The following METTL15 variants were observed in gnomAD, a reference collection of about 807,000 sequenced individuals.
METTL15 encodes methyltransferase 15, mitochondrial 12S rRNA N4-cytidine.
Under a neutral mutation model 38.3 loss-of-function variants are expected in METTL15, and 34 were observed. That is an observed-to-expected ratio of 0.89 (90% CI 0.68 to 1.18). The LOEUF is 1.18. Ranked by LOEUF, METTL15 falls within the 50% of genes most tolerant of loss-of-function variation. The pLI, the probability that METTL15 is intolerant of heterozygous loss-of-function variation, is 0.00. For synonymous variants in METTL15, 162 were observed against 170.9 expected, an observed-to-expected ratio of 0.95 and a Z score of 0.41; for missense variants, 438 against 498.4, an observed-to-expected ratio of 0.88 and a Z score of 1.15.
intron 5 of METTL15, among the ~76,000 whole-genome samples, chr11:28,398,448 A>G (rs1251404259): frequency 6.6e-6 from 1 of 152,014 alleles, no homozygotes; most frequent in Non-Finnish European, 1.5e-5. Flanking sequence ...GCTTTTTTTC[A>G]TATGTATGCT....
At chr11:28,349,699 A>G (rs1051970825) in intron 3 of METTL15, among the ~76,000 whole-genome samples, 4 of 152,198 alleles carry the variant, frequency 2.6e-5, no homozygotes, top group Admixed American at 6.5e-5. Context: ...ATGTAATTCA[A>G]TGAGTTTTAA....
intron 6 of METTL15, among the ~76,000 whole-genome samples, chr11:28,494,785 A>G (rs1851523107): frequency 6.6e-6 from 1 of 152,182 alleles, no homozygotes; most frequent in South Asian, 2.1e-4. Flanking sequence ...GCCACCATGT[A>G]AGATGTGACT....
chr11:28,195,022 G>T (rs1314751378), intron 3 of METTL15, among the ~76,000 whole-genome samples: 1 of 151,940 alleles, frequency 6.6e-6, no homozygotes, highest in Non-Finnish European at 1.5e-5. Context: ...TGCTGCAAAA[G>T]ACATTTTTTT....
intron 3 of METTL15, among the ~76,000 whole-genome samples, chr11:28,120,014 C>CG (rs1852147936): frequency 6.6e-6 from 1 of 152,078 alleles, no homozygotes; most frequent in South Asian, 2.1e-4. Context: ...TGCAGTGGGG[C>CG]GATCTTGGCT....
intron 6 of METTL15, among the ~76,000 whole-genome samples, chr11:28,444,211 A>G (rs910682295): frequency 6.6e-6 from 1 of 152,164 alleles, no homozygotes; most frequent in Non-Finnish European, 1.5e-5. Context: ...TTGGATCCAT[A>G]GCCAGGAATT....
chr11:28,489,832 T>C (rs1851479100), intron 6 of METTL15, among the ~76,000 whole-genome samples: 1 of 152,052 alleles, frequency 6.6e-6, no homozygotes, highest in South Asian at 2.1e-4. Context: ...TGGAGAGAAA[T>C]TCAAGCTGGC....
At chr11:28,467,591 G>A (rs1851267709) in intron 6 of METTL15, among the ~76,000 whole-genome samples, 2 of 152,112 alleles carry the variant, frequency 1.3e-5, no homozygotes, top group African/African-American at 4.8e-5. Flanking sequence ...ACCACAGAGG[G>A]CTCTGTAGCT....
At chr11:28,175,339 G>A (rs528569516) in intron 3 of METTL15, among the ~76,000 whole-genome samples, 3 of 152,038 alleles carry the variant, frequency 2.0e-5, no homozygotes, top group East Asian at 1.9e-4. Context: ...TCTTAATCCA[G>A]TCTATCATTG....
chr11:28,280,576 T>A (rs531962736), intron 4 of METTL15, among the ~76,000 whole-genome samples: 56 of 152,146 alleles, frequency 3.7e-4, no homozygotes, highest in Non-Finnish European at 7.5e-4. Context: ...TGGCCATTGT[T>A]TTTGAATATT....
At chr11:28,194,510 A>G (rs945559626) in intron 3 of METTL15, among the ~76,000 whole-genome samples, 1 of 151,882 alleles carries the variant, frequency 6.6e-6, no homozygotes, top group African/African-American at 2.4e-5. Context: ...ATTTACTTTC[A>G]TTCTGCGGTT....
chr11:28,218,966 T>C (rs1429957202), intron 4 of METTL15, among the ~76,000 whole-genome samples: 1 of 152,204 alleles, frequency 6.6e-6, no homozygotes, highest in Non-Finnish European at 1.5e-5. Flanking sequence ...TTTGCCAGTA[T>C]GTTATTGAGG....
intron 6 of METTL15, among the ~76,000 whole-genome samples, chr11:28,315,934 A>G (rs1857464802): frequency 6.6e-6 from 1 of 152,234 alleles, no homozygotes; most frequent in East Asian, 1.9e-4. Context: ...CAGAAGATGT[A>G]TGGAAACACC....
chr11:28,310,997 TGTGTGTGAGA>T (rs1433870847), intron 6 of METTL15, among the ~76,000 whole-genome samples: 20 of 145,972 alleles, frequency 1.4e-4, no homozygotes, highest in African/African-American at 4.2e-4. Flanking sequence ...TGTGTGTGTG[TGTGTGTGAGA>T]GAGAGAGAGA....
At chr11:28,528,480 C>T (rs765841575), downstream of METTL15, among the ~76,000 whole-genome samples, 39 of 152,182 alleles carry the variant, frequency 2.6e-4, no homozygotes, top group Non-Finnish European at 4.4e-4. Context: ...ACTAAGTCAG[C>T]GTGATTGGTT....
At chr11:28,140,830 C>A (rs1849673549) in intron 3 of METTL15, among the ~76,000 whole-genome samples, 1 of 152,170 alleles carries the variant, frequency 6.6e-6, no homozygotes, top group Admixed American at 6.5e-5. Context: ...CGATTCACCC[C>A]ATTTCCCCTG....
intron 5 of METTL15, among the ~76,000 whole-genome samples, chr11:28,417,625 G>A (rs114376310): frequency 0.012 from 1,804 of 152,292 alleles, 34 homozygotes; most frequent in African/African-American, 0.042. Flanking sequence ...ATATGTTTGA[G>A]GTTGGAGTGG....
intron 4 of METTL15, among the ~76,000 whole-genome samples, chr11:28,288,186 A>G (rs1452782761): frequency 6.6e-6 from 1 of 152,192 alleles, no homozygotes; most frequent in Admixed American, 6.6e-5. Context: ...GAGGTTGCAG[A>G]GAAAAAGGAA....
chr11:28,499,374 A>C (rs1851563372), intron 6 of METTL15, among the ~76,000 whole-genome samples: 1 of 152,234 alleles, frequency 6.6e-6, no homozygotes, highest in African/African-American at 2.4e-5. Flanking sequence ...TTCTCTAAGA[A>C]TAAGAAGTCC....
At chr11:28,376,423 C>G (rs1488751185) in intron 5 of METTL15, among the ~76,000 whole-genome samples, 4 of 151,930 alleles carry the variant, frequency 2.6e-5, no homozygotes, top group Non-Finnish European at 5.9e-5. Flanking sequence ...TATGTAATGG[C>G]CTTCTTTGTC....
Sources: gnomAD v4.1 joint callset for allele counts (sites outside exome capture counted in the v4.1 genomes callset) on GRCh38, gnomAD v4.1.1 for gene constraint, MANE v1.5 for transcripts, NCBI Gene and HGNC (gene_info 2026-07-23, HGNC 2026-07-21) for gene names.